Variants in CPT1A observed in about 807,000 individuals in gnomAD.
The protein encoded by CPT1A is carnitine palmitoyltransferase 1A, also known as carnitine O-palmitoyltransferase 1, liver isoform.
In CPT1A, 64 loss-of-function variants were observed where a neutral mutation model predicts 100.8. The ratio of observed to expected loss-of-function variants is 0.63; its 90% CI spans 0.52 to 0.78. The LOEUF is 0.78. CPT1A is among the 30% of genes least tolerant of loss of function. CPT1A has a pLI of 0.00. For missense variants in CPT1A, 802 were observed against 1,034.1 expected, an observed-to-expected ratio of 0.78 and a Z score of 3.08; for synonymous variants, 363 against 396.0, an observed-to-expected ratio of 0.92 and a Z score of 0.99.
intron 1 of CPT1A, among the ~76,000 whole-genome samples, chr11:68,828,066 C>T (rs1856778078): frequency 6.6e-6 from 1 of 152,182 alleles, no homozygotes; most frequent in African/African-American, 2.4e-5. Context: ...GCATAGTGTT[C>T]GTGGGCACCC....
intron 13 of CPT1A, chr11:68,773,662 G>C: frequency 1.8e-6 from 1 of 568,184 alleles, no homozygotes; most frequent in East Asian, 3.5e-5. Context: ...CAGGCCAGGA[G>C]AGGGCTTCCT....
At chr11:68,834,978 G>A (rs1344559174) in intron 1 of CPT1A, among the ~76,000 whole-genome samples, 3 of 139,026 alleles carry the variant, frequency 2.2e-5, no homozygotes, top group East Asian at 2.1e-4. Context: ...CAGCCCGGGC[G>A]ATAGGGCGAG....
intron 3 of CPT1A, among the ~76,000 whole-genome samples, chr11:68,808,333 T>C (rs975501657): frequency 6.6e-6 from 1 of 151,940 alleles, no homozygotes; most frequent in Non-Finnish European, 1.5e-5. Flanking sequence ...TAGTATATAT[T>C]ATGGTAAAGA....
At position 68,813,391 on chromosome 11, in the gene CPT1A, G is replaced by A. The variant is rs562353818; in HGVS notation, c.142-815C>T. Reference sequence around the variant, plus strand: ...ACTAAAAATACAAAAAATTAGCCAGGTGTGGTGGTGGGCGCCTATAGTCCC... The same window carrying A: ...ACTAAAAATACAAAAAATTAGCCAGATGTGGTGGTGGGCGCCTATAGTCCC... On this transcript the variant is annotated intron_variant, in intron 2 of 18. Coordinates refer to ENST00000265641, the MANE Select transcript of CPT1A (RefSeq NM_001876.4). Among the ~76,000 whole-genome samples, 16 of 152,034 alleles carry A rather than the reference G, an allele frequency of 1.1e-4. No individual in the cohort carries two copies. In the East Asian group the frequency reaches 3.1e-3, roughly 29 times the overall value.
chr11:68,785,806 A>G (rs1855446869), intron 9 of CPT1A: 1 of 558,562 alleles, frequency 1.8e-6, no homozygotes, highest in Admixed American at 3.3e-5. Context: ...GCTGAGAAAC[A>G]TTCCGATAAT....
chr11:68,843,069 T>C (rs1464796521), upstream of CPT1A, among the ~76,000 whole-genome samples: 1 of 152,248 alleles, frequency 6.6e-6, no homozygotes, highest in Admixed American at 6.5e-5. This position sits in a 1 kb window ranked among gnomAD's most constrained non-coding sequence, Gnocchi z 4.0. Flanking sequence ...CTGTATCATT[T>C]AGTTGTTACC....
In CPT1A at chr11:68,823,601, C is replaced by T. The variant is rs11825726; in HGVS notation, c.-13-8114G>A. Among the ~76,000 whole-genome samples the T allele has an allele frequency of 6.8e-3, 1,031 of 151,766 alleles. 14 individuals are homozygous for T. The highest frequency in any genetic ancestry group is 0.023 in the African/African-American group (934 of 41,358). On this transcript the variant is annotated intron_variant, in intron 1 of 18. Transcript: ENST00000265641. Reference sequence around the variant, plus strand: ...GTCAGGAGTTCGAGAACAGCCTGACCGACATGGAGAAACCCCATCTCTCCT... The same window carrying T: ...GTCAGGAGTTCGAGAACAGCCTGACTGACATGGAGAAACCCCATCTCTCCT...
At chr11:68,765,628 C>T (rs11827064) in intron 14 of CPT1A, among the ~76,000 whole-genome samples, 1 of 152,220 alleles carries the variant, frequency 6.6e-6, no homozygotes, top group Non-Finnish European at 1.5e-5. Flanking sequence ...ATAACTGCTG[C>T]AGACTAGAAT....
At chr11:68,781,647 G>T (rs1356861238) in intron 11 of CPT1A, 124 bp downstream of exon 11, 1 of 910,776 alleles carries the variant, frequency 1.1e-6, no homozygotes, top group Non-Finnish European at 1.8e-6. Flanking sequence ...AAAACTGAAG[G>T]TTATATTTTT....
chr11:68,801,427 C>G (rs576097869), intron 5 of CPT1A, among the ~76,000 whole-genome samples: 1 of 151,916 alleles, frequency 6.6e-6, no homozygotes, highest in Admixed American at 6.6e-5. Flanking sequence ...GTCAGGAGCT[C>G]GAGACCAGCC....
chr11:68,773,476 T>A (rs771468937), intron 13 of CPT1A, 47 bp from the exon 14 acceptor site: 26 of 1,613,302 alleles, frequency 1.6e-5, no homozygotes, highest in Non-Finnish European at 2.1e-5. Context: ...GGGAGAAAAG[T>A]ACTGACGCAC....
chr11:68,807,378 G>A, intron 4 of CPT1A, 89 bp downstream of exon 4: 1 of 1,332,104 alleles, frequency 7.5e-7, no homozygotes, highest in East Asian at 2.5e-5. Flanking sequence ...AGGGAGAAAA[G>A]GTCGCAGGGG....
chr11:68,832,641 C>T (rs1454196195), intron 1 of CPT1A, among the ~76,000 whole-genome samples: 1 of 152,228 alleles, frequency 6.6e-6, no homozygotes, highest in African/African-American at 2.4e-5. Flanking sequence ...AGCAATAAAA[C>T]TCCAGTAAGT....
intron 11 of CPT1A, 95 bp from the exon 12 acceptor site, chr11:68,780,840 C>T: frequency 1.1e-6 from 1 of 878,908 alleles, no homozygotes; most frequent in Non-Finnish European, 1.9e-6. Context: ...TGGACTAATT[C>T]ACTTTGCACC....
intron 1 of CPT1A, among the ~76,000 whole-genome samples, chr11:68,835,894 G>A (rs924564239): frequency 1.3e-5 from 2 of 152,108 alleles, no homozygotes; most frequent in African/African-American, 4.8e-5. Context: ...TACCTCCTCC[G>A]GCAAACTGCA....
chr11:68,780,537 G>C (rs1320284057), intron 12 of CPT1A, 103 bp downstream of exon 12: 1 of 966,716 alleles, frequency 1.0e-6, no homozygotes, highest in Non-Finnish European at 1.6e-6. Context: ...GCCCGCCTCG[G>C]CCTCCCAAAG....
chr11:68,773,299 A>C lies in CPT1A; in HGVS notation c.1706T>G (p.Phe569Cys). 6.2e-7 allele frequency: 1 copy of C among 1,614,136 alleles called. No individual in the cohort carries two copies. The highest frequency in any genetic ancestry group is 8.5e-7 in the Non-Finnish European group (1 of 1,180,012). ...IKKCRTSPDAFVQLALQLAHY... is the reference protein window; with the variant it reads ...IKKCRTSPDACVQLALQLAHY... The stretch of plus-strand genomic sequence containing the variant: ...CGCCAGCTGGAGGGCCAGCTGCACA[A>C]AGGCGTCTGGGCTCGTGCGACATTT... The change falls in exon 14 of 19, where the codon TTT (phenylalanine) becomes TGT (cysteine). Residue 569 changes from phenylalanine to cysteine, a missense_variant. Coordinates refer to ENST00000265641, the MANE Select transcript of CPT1A (RefSeq NM_001876.4).
At chr11:68,828,034 T>G (rs954070565) in intron 1 of CPT1A, among the ~76,000 whole-genome samples, 5 of 152,342 alleles carry the variant, frequency 3.3e-5, no homozygotes, top group African/African-American at 1.2e-4. Context: ...CAGCATCGTA[T>G]TTTAATGGGA....
At chr11:68,810,451 T>C (rs1465534408) in intron 3 of CPT1A, among the ~76,000 whole-genome samples, 1 of 152,170 alleles carries the variant, frequency 6.6e-6, no homozygotes, top group Non-Finnish European at 1.5e-5. Flanking sequence ...ACTTTTATTA[T>C]GTTTCTTGCA....
Sources: allele counts gnomAD v4.1 joint callset (sites outside exome capture counted in the v4.1 genomes callset), GRCh38; gene constraint gnomAD v4.1.1; non-coding constraint Gnocchi (gnomAD v3.1); transcripts MANE v1.5; gene names NCBI Gene and HGNC (gene_info 2026-07-23, HGNC 2026-07-21).